AAK1: variants seen among roughly 807,000 people sequenced by gnomAD.
The protein encoded by AAK1 is AP2 associated kinase 1, also known as AP2-associated protein kinase 1.
In AAK1, 37 loss-of-function variants were observed where a neutral mutation model predicts 116.0. The ratio of observed to expected loss-of-function variants is 0.32; its 90% CI spans 0.25 to 0.42. The LOEUF is 0.42. Ranked by LOEUF, AAK1 falls within the 10% of genes least tolerant of loss-of-function variation. AAK1 has a pLI of 1.00. For synonymous variants in AAK1, 458 were observed against 439.9 expected (o/e 1.04, Z -0.51); for missense variants, 919 against 1,170.6 (o/e 0.79, Z 3.14).
At chr2:69,497,374 C>T (rs561108643) in intron 16 of AAK1, among the ~76,000 whole-genome samples, 3 of 130,682 alleles carry the variant, frequency 2.3e-5, no homozygotes, top group East Asian at 2.3e-4. Flanking sequence ...GCAATTTTGG[C>T]TCACTGCAAG....
chr2:69,587,702 G>A (rs1183137949), intron 2 of AAK1, among the ~76,000 whole-genome samples: 1 of 151,940 alleles, frequency 6.6e-6, no homozygotes, highest in African/African-American at 2.4e-5. Context: ...CTGACCTCAG[G>A]TGATCCACCT....
intron 2 of AAK1, among the ~76,000 whole-genome samples, chr2:69,623,364 C>T (rs1241254309): frequency 6.6e-6 from 1 of 152,198 alleles, no homozygotes; most frequent in East Asian, 1.9e-4. Flanking sequence ...CTGCACTTCT[C>T]TCTGTTCCTG....
At position 69,468,335 on chromosome 2, in the gene AAK1, G is replaced by A. The variant is rs1674556189; in HGVS notation, c.*7534C>T. On this transcript the variant is annotated 3_prime_UTR_variant, in exon 22 of 22. Coordinates refer to ENST00000409085, the MANE Select transcript of AAK1 (RefSeq NM_014911.5). ...TCTGGGAGGAAATTCAAATAAAAGG[G>A]AGAAAAATAAGTTTTCCAAAATAAG... 2.0e-6 allele frequency: 2 copies of A among 985,216 alleles called. No homozygotes were observed. The highest frequency in any genetic ancestry group is 2.4e-6 in the Non-Finnish European group (2 of 829,916). 61.0% of individuals were successfully genotyped at this position (985,216 alleles called of 1,614,324 possible).
At chr2:69,507,680 G>T (rs1356142430) in intron 14 of AAK1, 102 bp from the exon 15 acceptor site, 2 of 1,190,894 alleles carry the variant, frequency 1.7e-6, no homozygotes, top group African/African-American at 1.6e-5. Context: ...TTATTTTCTG[G>T]GTCAAACCAT....
chr2:69,470,622 G>A lies in AAK1; in HGVS notation c.*5247C>T. On this transcript the variant is annotated 3_prime_UTR_variant, in exon 22 of 22. Coordinates refer to ENST00000409085, the MANE Select transcript of AAK1 (RefSeq NM_014911.5). ...AATTAAGTTGGCCTGGGTATATTAG[G>A]GATTAAGTTAGAGGAGGGAAGCTGC... The A allele has an allele frequency of 1.0e-6, 1 of 985,330 alleles. No homozygotes were observed. Among genetic ancestry groups the A allele is most frequent in the Non-Finnish European group, 1.2e-6 (1 of 829,914 alleles). The allele number at this position is 985,330 out of a possible 1,614,324, so 61.0% of individuals were successfully genotyped here.
At chr2:69,568,573 G>A (rs539590916) in intron 2 of AAK1, among the ~76,000 whole-genome samples, 39 of 150,702 alleles carry the variant, frequency 2.6e-4, no homozygotes, top group African/African-American at 8.7e-4. Flanking sequence ...TGAGACTAGA[G>A]GTGCATGCCA....
chr2:69,492,240 G>A (rs1247867567), intron 17 of AAK1, among the ~76,000 whole-genome samples: 3 of 151,788 alleles, frequency 2.0e-5, no homozygotes, highest in African/African-American at 7.3e-5. Flanking sequence ...TTGAGACGGA[G>A]TCTTGCTCTG....
In AAK1 at chr2:69,519,001, G is replaced by T. The variant is rs1676707821; in HGVS notation, c.1450C>A (p.Gln484Lys). Reference protein sequence around the residue: ...QQQQPPPAQQQPAGTFYQQQQ... With the variant: ...QQQQPPPAQQKPAGTFYQQQQ... Reference sequence around the variant, plus strand: ...TGCTGGTAAAACGTGCCTGCCGGCTGCTGCTGTGCTGGCGGTGGCTGTTGC... The same window carrying T: ...TGCTGGTAAAACGTGCCTGCCGGCTTCTGCTGTGCTGGCGGTGGCTGTTGC... The change falls in exon 12 of 22, where the codon CAG (glutamine) becomes AAG (lysine). Residue 484 changes from glutamine (Q) to lysine (K), a missense_variant. By Grantham distance (53) the Gln-to-Lys change is moderately conservative. This residue lies in a region of AAK1 where 214 missense variants were observed against 210.6 expected (regional missense o/e 1.02). Coordinates refer to ENST00000409085, the MANE Select transcript of AAK1 (RefSeq NM_014911.5). 1 of 1,549,698 alleles carries T rather than the reference G, an allele frequency of 6.5e-7. No homozygotes were observed. The highest frequency in any genetic ancestry group is 1.4e-5 in the African/African-American group (1 of 73,132).
intron 17 of AAK1, among the ~76,000 whole-genome samples, chr2:69,488,667 G>A (rs1675397988): frequency 6.6e-6 from 1 of 152,138 alleles, no homozygotes. Flanking sequence ...AGGTGCCTGT[G>A]ATTACAGTAG....
intron 17 of AAK1, among the ~76,000 whole-genome samples, chr2:69,486,534 G>A (rs1402743709): frequency 6.6e-6 from 1 of 152,104 alleles, no homozygotes; most frequent in Non-Finnish European, 1.5e-5. Context: ...TGAGAGCACA[G>A]GCCATGTCTA....
At chr2:69,629,116 T>A (rs1675046849) in intron 2 of AAK1, among the ~76,000 whole-genome samples, 1 of 152,218 alleles carries the variant, frequency 6.6e-6, no homozygotes, top group African/African-American at 2.4e-5. Flanking sequence ...CCAATCCCCA[T>A]CTTCTTTGAG....
chr2:69,536,057 G>A (rs1009750030), intron 5 of AAK1, among the ~76,000 whole-genome samples: 1 of 152,194 alleles, frequency 6.6e-6, no homozygotes, highest in Non-Finnish European at 1.5e-5. Context: ...AGAAAAAAGA[G>A]GCCAGAGAAG....
Position 69,496,292 on chromosome 2 carries a change from G to A in AAK1, c.2270-212C>T, listed in dbSNP as rs112726499. Among the ~76,000 whole-genome samples, 113 of 133,512 alleles carry A rather than the reference G, an allele frequency of 8.5e-4. 1 individual carries two copies. Among genetic ancestry groups the A allele is most frequent in the African/African-American group, 3.2e-3 (108 of 34,192 alleles). The allele number at this position is 133,512 out of a possible 152,430, so 87.6% of individuals were successfully genotyped here. A position where few individuals can be genotyped will look rare whatever the true frequency, so the allele number is the denominator to read the frequency against. Reference sequence around the variant, plus strand: ...TGGCCCGTTTTTTTTTTTTTTTTGAGACGAAGTCTCACTCGTGTCCACCAG... The same window carrying A: ...TGGCCCGTTTTTTTTTTTTTTTTGAAACGAAGTCTCACTCGTGTCCACCAG... On this transcript the variant is annotated intron_variant, in intron 16 of 21. Transcript: ENST00000409085.
rs1019298991 is a variant in AAK1 at position 69,474,343 on chromosome 2, G to A, written c.*1526C>T. 1 of 985,820 alleles carries A rather than the reference G, an allele frequency of 1.0e-6. No individual in the cohort carries two copies. Among genetic ancestry groups the A allele is most frequent in the Non-Finnish European group, 1.2e-6 (1 of 829,916 alleles). The allele number at this position is 985,820 out of a possible 1,614,324, so 61.1% of individuals were successfully genotyped here. The stretch of plus-strand genomic sequence containing the variant: ...GGCACTAGAGGAAAAGAACAGGAGT[G>A]GGGTTCTCTGTGCCCACTTCTTTTC... On this transcript the variant is annotated 3_prime_UTR_variant, in exon 22 of 22. Coordinates refer to ENST00000409085, the MANE Select transcript of AAK1 (RefSeq NM_014911.5).
At chr2:69,566,768 A>C (rs1004141487) in intron 2 of AAK1, among the ~76,000 whole-genome samples, 36 of 152,192 alleles carry the variant, frequency 2.4e-4, no homozygotes, top group African/African-American at 8.4e-4. Context: ...AGTTTAAGAA[A>C]TCAAGTTGGT....
At chr2:69,640,053 A>ACACACTCTCTCTCT (rs1343518565) in intron 2 of AAK1, among the ~76,000 whole-genome samples, 232 of 92,770 alleles carry the variant, frequency 2.5e-3, no homozygotes, top group African/African-American at 0.011. Flanking sequence ...ACACACACAC[A>ACACACTCTCTCTCT]CTCTCTCTCT....
At chr2:69,580,528 A>G (rs116018653) in intron 2 of AAK1, among the ~76,000 whole-genome samples, 3,237 of 152,286 alleles carry the variant, frequency 0.021, 103 homozygotes, top group African/African-American at 0.071. Flanking sequence ...CCAAAGCAGA[A>G]GCAGAAAAAA....
intron 3 of AAK1, among the ~76,000 whole-genome samples, chr2:69,545,550 C>T (rs1670888668): frequency 6.6e-6 from 1 of 152,166 alleles, no homozygotes; most frequent in Non-Finnish European, 1.5e-5. Context: ...CAGAAACTAC[C>T]ACCACTCTAA....
chr2:69,530,168 CT>C (rs751420688), intron 7 of AAK1, 28 bp from the exon 8 acceptor site: 1 of 1,589,880 alleles, frequency 6.3e-7, no homozygotes, highest in African/African-American at 1.4e-5. Context: ...CAGATTGCTA[CT>C]AGTGGCTTAT....
Sources: allele counts gnomAD v4.1 joint callset (sites outside exome capture counted in the v4.1 genomes callset), GRCh38; gene constraint gnomAD v4.1.1; regional missense constraint gnomAD v4.1.1; transcripts MANE v1.5; gene names NCBI Gene and HGNC (gene_info 2026-07-23, HGNC 2026-07-21).